The following FGF14 variants were observed in gnomAD, a reference collection of about 807,000 sequenced individuals.
The protein encoded by FGF14 is fibroblast growth factor homologous factor 4.
In FGF14, 5 loss-of-function variants were observed where a neutral mutation model predicts 25.5. That is an observed-to-expected ratio of 0.20 (90% CI 0.10 to 0.41). The LOEUF (loss-of-function observed/expected upper bound fraction) is 0.41. Ranked by LOEUF, FGF14 falls within the 10% of genes least tolerant of loss-of-function variation. The pLI is 1.00. For missense variants in FGF14, 222 were observed against 320.1 expected (o/e 0.69, Z 2.34); for synonymous variants, 138 against 118.3 (o/e 1.17, Z -1.08).
In FGF14 at chr13:101,779,431, T is replaced by C. The variant is rs1174005407; in HGVS notation, c.409-52621A>G. ...ACCTGATAGTCAAAGCCTAGTAAGG[T>C]TCACTTCTTTCATTGTGTTAATGTA... On this transcript the variant is annotated intron_variant, in intron 3 of 4. Coordinates refer to ENST00000376143, the MANE Select transcript of FGF14 (RefSeq NM_004115.4). 2.6e-5 allele frequency among the ~76,000 whole-genome samples: 4 copies of C among 152,190 alleles called. No homozygotes were observed. In the East Asian group the frequency reaches 7.7e-4, roughly 29 times the overall value.
chr13:101,888,842 AG>A (rs75552954), intron 1 of FGF14, among the ~76,000 whole-genome samples: 44,945 of 152,052 alleles, frequency 0.3, 7,871 homozygotes, highest in South Asian at 0.43. Flanking sequence ...AAAGCATCAA[AG>A]GGAGTATTAT....
intron 1 of FGF14, among the ~76,000 whole-genome samples, chr13:101,991,294 T>C (rs1802297985): frequency 6.6e-6 from 1 of 152,174 alleles, no homozygotes; most frequent in African/African-American, 2.4e-5. Flanking sequence ...CACCAAAGGA[T>C]GTCTCTTCCA....
chr13:102,327,084 G>A (rs2056478339), intron 1 of FGF14, among the ~76,000 whole-genome samples: 3 of 152,182 alleles, frequency 2.0e-5, no homozygotes, highest in Admixed American at 2.0e-4. Context: ...TATGATCACA[G>A]TTCAAGGTGT....
chr13:102,221,577 A>G (rs1046200196), intron 1 of FGF14, among the ~76,000 whole-genome samples: 2 of 152,012 alleles, frequency 1.3e-5, no homozygotes, highest in Admixed American at 6.6e-5. Flanking sequence ...TTCAGAATAT[A>G]TGTTTGAGGG....
At chr13:101,815,839 G>T (rs935250737) in intron 3 of FGF14, among the ~76,000 whole-genome samples, 9 of 152,158 alleles carry the variant, frequency 5.9e-5, no homozygotes, top group African/African-American at 2.2e-4. Flanking sequence ...AAACTGAGGA[G>T]TGTAGTGCTG....
chr13:101,896,144 C>T (rs940116556), intron 1 of FGF14, among the ~76,000 whole-genome samples: 1 of 152,144 alleles, frequency 6.6e-6, no homozygotes, highest in Non-Finnish European at 1.5e-5. Context: ...AGAAACCTCC[C>T]TTCCCTTTCT....
intron 1 of FGF14, among the ~76,000 whole-genome samples, chr13:102,079,824 C>T (rs1160512967): frequency 6.6e-6 from 1 of 152,006 alleles, no homozygotes; most frequent in Non-Finnish European, 1.5e-5. Context: ...TTACAGTGTG[C>T]CAGGGAAAAA....
At chr13:101,835,175 G>A (rs1337138949) in intron 3 of FGF14, among the ~76,000 whole-genome samples, 1 of 151,970 alleles carries the variant, frequency 6.6e-6, no homozygotes, top group East Asian at 1.9e-4. Context: ...AATAACCTTT[G>A]AAGATAAAGT....
intron 2 of FGF14, among the ~76,000 whole-genome samples, chr13:101,873,654 G>C (rs1037607238): frequency 6.6e-6 from 1 of 152,012 alleles, no homozygotes; most frequent in Non-Finnish European, 1.5e-5. Context: ...GAGTTTAAGG[G>C]GAAAAGAAAC....
At chr13:102,006,921 T>A (rs1256327058) in intron 1 of FGF14, among the ~76,000 whole-genome samples, 2 of 150,732 alleles carry the variant, frequency 1.3e-5, no homozygotes, top group Admixed American at 1.3e-4. Flanking sequence ...ATTTTTTGTA[T>A]TTTTAGTAGA....
intron 1 of FGF14, among the ~76,000 whole-genome samples, chr13:102,175,237 A>C (rs2048399014): frequency 6.6e-6 from 1 of 152,198 alleles, no homozygotes; most frequent in Non-Finnish European, 1.5e-5. Context: ...GTACTGGTAC[A>C]AAATAGACAC....
intron 3 of FGF14, among the ~76,000 whole-genome samples, chr13:101,839,343 T>A (rs2043088114): frequency 6.6e-6 from 1 of 152,008 alleles, no homozygotes; most frequent in Admixed American, 6.6e-5. Flanking sequence ...AGTCTTGGAT[T>A]TTAACTTTAA....
chr13:102,294,613 T>C (rs2054601266), intron 1 of FGF14, among the ~76,000 whole-genome samples: 2 of 152,368 alleles, frequency 1.3e-5, no homozygotes, highest in East Asian at 3.9e-4. Flanking sequence ...TGTTTGAATA[T>C]TTGAGTGGTT....
At chr13:102,161,721 G>A (rs891818972) in intron 1 of FGF14, among the ~76,000 whole-genome samples, 1 of 149,846 alleles carries the variant, frequency 6.7e-6, no homozygotes, top group Non-Finnish European at 1.5e-5. Flanking sequence ...AGAAGAAGAA[G>A]AAGAATAGAA....
At chr13:101,940,664 C>T (rs1042475877) in intron 1 of FGF14, among the ~76,000 whole-genome samples, 1 of 152,140 alleles carries the variant, frequency 6.6e-6, no homozygotes, top group East Asian at 1.9e-4. Context: ...ACTCTTTAGA[C>T]CTCACCTATT....
At chr13:102,374,713 T>C (rs1356522380) in intron 1 of FGF14, among the ~76,000 whole-genome samples, 1 of 117,958 alleles carries the variant, frequency 8.5e-6, no homozygotes, top group Non-Finnish European at 1.7e-5. Flanking sequence ...TAAGCAGACG[T>C]GTCAGATTCT....
At chr13:101,912,744 G>T (rs1490447668) in intron 1 of FGF14, among the ~76,000 whole-genome samples, 1 of 151,842 alleles carries the variant, frequency 6.6e-6, no homozygotes, top group African/African-American at 2.4e-5. Context: ...TTTATTTAGG[G>T]AAAGTAAAAA....
At chr13:102,155,680 G>A (rs9518641) in intron 1 of FGF14, among the ~76,000 whole-genome samples, 103,585 of 151,742 alleles carry the variant, frequency 0.68, 36,485 homozygotes, top group East Asian at 0.91. Context: ...AACTGAAGGA[G>A]ATAGAGACAG....
rs755972496 is a variant in FGF14 at position 101,742,846 on chromosome 13, G to A, written c.409-16036C>T. Among the ~76,000 whole-genome samples, 7 of 152,074 alleles carry A rather than the reference G, an allele frequency of 4.6e-5. No individual in the cohort carries two copies. The South Asian group carries it at 8.3e-4, about 18-fold the overall frequency. ...CAAGGAAATTCCTTGTGGACAGGCC[G>A]AACTCAAAGTCATCCCTCTGTTCAC... On this transcript the variant is annotated intron_variant, in intron 3 of 4. Coordinates refer to ENST00000376143, the MANE Select transcript of FGF14 (RefSeq NM_004115.4).
Sources: allele counts gnomAD v4.1 joint callset (sites outside exome capture counted in the v4.1 genomes callset), GRCh38; gene constraint gnomAD v4.1.1; transcripts MANE v1.5; gene names NCBI Gene and HGNC (gene_info 2026-07-23, HGNC 2026-07-21).